Variants in ITPR1 observed in about 807,000 individuals in gnomAD.
The protein encoded by ITPR1 is inositol 1,4,5-trisphosphate-gated calcium channel ITPR1.
In ITPR1, 96 loss-of-function variants were observed where a neutral mutation model predicts 318.4. The observed-to-expected ratio is 0.30, with a 90% confidence interval of 0.26 to 0.36. ITPR1 has a LOEUF of 0.36. Among genes scored for constraint, ITPR1 ranks in the 10% least tolerant of loss-of-function variants. The pLI is 1.00. For synonymous variants in ITPR1, 1,312 were observed against 1,289.9 expected (o/e 1.02, Z -0.37); for missense variants, 2,440 against 3,460.2 (o/e 0.71, Z 7.40).
intron 22 of ITPR1, 29 bp downstream of exon 22, chr3:4,674,372 A>G: frequency 6.3e-7 from 1 of 1,576,736 alleles, no homozygotes; most frequent in Non-Finnish European, 8.6e-7. Context: ...TTCTATGTGT[A>G]TTATCTGCCT....
intron 17 of ITPR1, among the ~76,000 whole-genome samples, chr3:4,666,543 C>T (rs745548220): frequency 6.6e-6 from 1 of 152,182 alleles, no homozygotes; most frequent in Admixed American, 6.5e-5. Context: ...GGATCCTTTA[C>T]CAGTTGGCAG....
intron 4 of ITPR1, among the ~76,000 whole-genome samples, chr3:4,613,678 A>C (rs2092264071): frequency 6.6e-6 from 1 of 152,174 alleles, no homozygotes; most frequent in Non-Finnish European, 1.5e-5. Context: ...CCAGCAGTGC[A>C]AATTGGACAT....
At chr3:4,631,694 C>T (rs1187565690) in intron 5 of ITPR1, among the ~76,000 whole-genome samples, 1 of 152,070 alleles carries the variant, frequency 6.6e-6, no homozygotes, top group Non-Finnish European at 1.5e-5. Flanking sequence ...GCAAAGTACA[C>T]TCTTTTCTTT....
intron 42 of ITPR1, among the ~76,000 whole-genome samples, chr3:4,728,363 C>A (rs1292289707): frequency 1.3e-5 from 2 of 152,192 alleles, no homozygotes; most frequent in African/African-American, 4.8e-5. Flanking sequence ...TGTTCAACAT[C>A]TTGTCTAAGG....
At chr3:4,697,451 C>G (rs1386377560) in intron 34 of ITPR1, among the ~76,000 whole-genome samples, 179 bp downstream of exon 34, 1 of 72,338 alleles carries the variant, frequency 1.4e-5, no homozygotes, top group African/African-American at 5.2e-5. Flanking sequence ...TGTATCCTTT[C>G]TTCCTTTTTT....
intron 61 of ITPR1, among the ~76,000 whole-genome samples, chr3:4,843,685 AGAATTGGC>A (rs1208584393): frequency 3.9e-5 from 6 of 152,244 alleles, no homozygotes; most frequent in Non-Finnish European, 7.3e-5. Flanking sequence ...ACCTGAGCAA[AGAATTGGC>A]CAATAACCCA....
At chr3:4,781,032 A>G (rs2046800508) in intron 49 of ITPR1, among the ~76,000 whole-genome samples, 1 of 152,358 alleles carries the variant, frequency 6.6e-6, no homozygotes, top group Non-Finnish European at 1.5e-5. Flanking sequence ...ACGTGTGTAC[A>G]TGCATGTGTG....
intron 4 of ITPR1, among the ~76,000 whole-genome samples, chr3:4,531,676 G>T (rs1461383482): frequency 6.6e-6 from 1 of 152,160 alleles, no homozygotes; most frequent in East Asian, 1.9e-4. Context: ...CAGAATACTT[G>T]CTCTGTACTC....
intron 47 of ITPR1, 28 bp from the exon 48 acceptor site, chr3:4,777,236 G>A: frequency 2.2e-6 from 3 of 1,377,592 alleles, no homozygotes; most frequent in Non-Finnish European, 2.0e-6. Flanking sequence ...CAGCGTTTGT[G>A]TGAATGTCTG....
At chr3:4,766,867 G>T (rs777617737) in intron 45 of ITPR1, among the ~76,000 whole-genome samples, 157 bp downstream of exon 45, 15 of 152,204 alleles carry the variant, frequency 9.9e-5, no homozygotes, top group Non-Finnish European at 1.8e-4. Context: ...CTTCCTCAGT[G>T]ACCTGAGCTG....
At chr3:4,596,876 T>C (rs1242294376) in intron 4 of ITPR1, among the ~76,000 whole-genome samples, 1 of 152,228 alleles carries the variant, frequency 6.6e-6, no homozygotes, top group African/African-American at 2.4e-5. Flanking sequence ...GACTTTATAT[T>C]GTTTCTCTGG....
intron 39 of ITPR1, 96 bp from the exon 40 acceptor site, chr3:4,717,271 A>T (rs939680210): frequency 1.1e-5 from 12 of 1,062,768 alleles, no homozygotes; most frequent in Admixed American, 1.8e-5. Context: ...TTTAAGGAGA[A>T]ACGTCAGCAA....
chr3:4,805,385 T>C (rs947589115), intron 54 of ITPR1, among the ~76,000 whole-genome samples: 2 of 152,166 alleles, frequency 1.3e-5, no homozygotes, highest in Admixed American at 1.3e-4. Flanking sequence ...GTGGACATCA[T>C]TGGCTCCATT....
intron 18 of ITPR1, among the ~76,000 whole-genome samples, chr3:4,668,911 A>G (rs1354434412): frequency 2.0e-5 from 3 of 152,158 alleles, no homozygotes; most frequent in African/African-American, 4.8e-5. Flanking sequence ...ATTCACACAG[A>G]TCTGCTCCTC....
intron 44 of ITPR1, among the ~76,000 whole-genome samples, chr3:4,746,357 G>A (rs2044109416): frequency 6.6e-6 from 1 of 152,094 alleles, no homozygotes; most frequent in Non-Finnish European, 1.5e-5. Flanking sequence ...CCCCACCTGG[G>A]TTTCTCCACT....
chr3:4,674,209 A>G lies in ITPR1; in HGVS notation c.2464A>G (p.Ser822Gly), dbSNP rs1420524016. The change falls in exon 22 of 62, where the codon AGT becomes GGT. Residue 822 changes from serine to glycine, a missense_variant. By Grantham distance (56) the Ser-to-Gly change is moderately conservative. Around this residue, in one of 23 missense-constraint regions of ITPR1, gnomAD observed 478 missense variants for 696.3 expected, o/e 0.69. Coordinates refer to ENST00000649015, the MANE Select transcript of ITPR1 (RefSeq NM_001378452.1). ...PSEIAIDDYD[S>G]SGASKDEIKE... Reference sequence around the variant, plus strand: ...TTTCTCCTTTCTTTTCAGCTATGATAGTAGTGGAGCTTCCAAAGATGAAAT... The same window carrying G: ...TTTCTCCTTTCTTTTCAGCTATGATGGTAGTGGAGCTTCCAAAGATGAAAT... The G allele has an allele frequency of 1.3e-6, 2 of 1,548,238 alleles. No individual in the cohort carries two copies. Among genetic ancestry groups the G allele is most frequent in the Admixed American group, 2.0e-5 (1 of 49,508 alleles).
intron 44 of ITPR1, among the ~76,000 whole-genome samples, chr3:4,738,357 G>C (rs2043433194): frequency 6.6e-6 from 1 of 152,230 alleles, no homozygotes; most frequent in Non-Finnish European, 1.5e-5. Context: ...GACTAAAGGG[G>C]TGGGGGTGAG....
chr3:4,644,024 A>G (rs2093398416), intron 7 of ITPR1, 112 bp from the exon 8 acceptor site: 2 of 697,348 alleles, frequency 2.9e-6, no homozygotes, highest in African/African-American at 3.5e-5. Flanking sequence ...CTTGCTGGGG[A>G]TAGGCCTTGC....
chr3:4,495,819 A>G (rs1049385843), intron 2 of ITPR1, among the ~76,000 whole-genome samples: 3 of 152,202 alleles, frequency 2.0e-5, no homozygotes, highest in Non-Finnish European at 4.4e-5. Context: ...TGCATCCCAC[A>G]AATGGACCTC....
Sources: allele counts gnomAD v4.1 joint callset (sites outside exome capture counted in the v4.1 genomes callset), GRCh38; gene constraint gnomAD v4.1.1; regional missense constraint gnomAD v4.1.1; transcripts MANE v1.5; gene names NCBI Gene and HGNC (gene_info 2026-07-23, HGNC 2026-07-21).